HMGN5: variants seen among roughly 807,000 people sequenced by gnomAD.
The protein encoded by HMGN5 is high mobility group nucleosome-binding domain-containing protein 5.
A neutral mutation model predicts 9.5 loss-of-function variants in HMGN5; 4 were observed. The observed-to-expected ratio is 0.42, with a 90% confidence interval of 0.21 to 0.96. The LOEUF (loss-of-function observed/expected upper bound fraction) is 0.96. Ranked by LOEUF, HMGN5 falls within the 40% of genes least tolerant of loss-of-function variation. The pLI is 0.30. For synonymous variants in HMGN5, 55 were observed against 57.1 expected (o/e 0.96, Z 0.16); for missense variants, 192 against 187.5 (o/e 1.02, Z -0.14).
At chrX:81,173,991 G>C (rs1275257875) in intron 1 of HMGN5, among the ~76,000 whole-genome samples, 1 of 111,402 alleles carries the variant, frequency 9.0e-6, no homozygotes, top group Admixed American at 9.6e-5. Flanking sequence ...TTAAGACAGT[G>C]AACTGAGAGA....
At position 81,119,742 on chromosome X, in the gene HMGN5, A is replaced by G. The variant is rs753663899; in HGVS notation, c.45+46T>C. ...TTTAGCTGCTTATGTCAAGTTTATA[A>G]AACGAGTGGTTTTTCCTAATAGATG... On this transcript the variant is annotated intron_variant, in intron 3 of 6. Transcript: ENST00000358130. The G allele has an allele frequency of 5.3e-6, 6 of 1,127,022 alleles. No homozygotes were observed. In the East Asian group the frequency reaches 1.8e-4, roughly 34 times the overall value. 92.9% of individuals were successfully genotyped at this position (1,127,022 alleles called of 1,213,427 possible). A position where few individuals can be genotyped will look rare whatever the true frequency, so the allele number is the denominator to read the frequency against.
chrX:81,136,346 A>T (rs973681066), intron 1 of HMGN5, among the ~76,000 whole-genome samples: 12 of 111,760 alleles, frequency 1.1e-4, no homozygotes, highest in Non-Finnish European at 2.1e-4. Flanking sequence ...ATTATAGTTG[A>T]TGATTGAAAC....
intron 5 of HMGN5, among the ~76,000 whole-genome samples, chrX:81,117,728 TA>T (rs2075258054): frequency 9.0e-6 from 1 of 111,107 alleles, no homozygotes; most frequent in Non-Finnish European, 1.9e-5. Flanking sequence ...AGTTTAGCAA[TA>T]TTTTTTAATA....
At chrX:81,175,536 A>G (rs1483889409) in intron 1 of HMGN5, among the ~76,000 whole-genome samples, 1 of 111,724 alleles carries the variant, frequency 9.0e-6, no homozygotes, top group Non-Finnish European at 1.9e-5. Context: ...GAAATTTCAT[A>G]AATGTAAGAT....
chrX:81,137,233 A>T (rs1270782270), intron 1 of HMGN5, among the ~76,000 whole-genome samples: 3 of 111,489 alleles, frequency 2.7e-5, no homozygotes, highest in Admixed American at 9.6e-5. Context: ...AACCAACAGG[A>T]TCTAATTTAT....
intron 1 of HMGN5, among the ~76,000 whole-genome samples, chrX:81,147,741 T>A (rs2075349294): frequency 8.9e-6 from 1 of 111,979 alleles, no homozygotes; most frequent in Non-Finnish European, 1.9e-5. Context: ...CCCCATCGTC[T>A]CAGCCCAAAA....
At chrX:81,193,415 A>G (rs941147351) in intron 1 of HMGN5, among the ~76,000 whole-genome samples, 6 of 112,457 alleles carry the variant, frequency 5.3e-5, no homozygotes, top group Non-Finnish European at 1.1e-4. Flanking sequence ...GCAGCCATCA[A>G]GTGACTCCCA....
rs747999870 is a variant in HMGN5 at position 81,117,471 on chromosome X, C to A, written c.129+961G>T. Among the ~76,000 whole-genome samples, 4 of 109,607 alleles carry A rather than the reference C, an allele frequency of 3.6e-5. No individual in the cohort carries two copies. In the East Asian group the frequency reaches 8.6e-4, roughly 23 times the overall value. On this transcript the variant is annotated intron_variant, in intron 5 of 6. Transcript: ENST00000358130. ...TGTTGCCCAGGCTGGTCTCAAACTCCTACGTTCAAGCAATCTGCCCATCTC... is the reference window on the plus strand; with the variant it reads ...TGTTGCCCAGGCTGGTCTCAAACTCATACGTTCAAGCAATCTGCCCATCTC...
chrX:81,166,146 A>T (rs1297072238), intron 1 of HMGN5, among the ~76,000 whole-genome samples: 3 of 111,057 alleles, frequency 2.7e-5, no homozygotes, highest in Admixed American at 1.9e-4. Context: ...ACATTGCTAA[A>T]TGTCTTTTGA....
At chrX:81,149,470 G>A (rs1461313655) in intron 1 of HMGN5, among the ~76,000 whole-genome samples, 3 of 111,534 alleles carry the variant, frequency 2.7e-5, no homozygotes, top group Non-Finnish European at 5.6e-5. Context: ...GCCCTGTCAG[G>A]GGGTGGGGAG....
intron 1 of HMGN5, chrX:81,197,834 GAAGA>G (rs2075513729): frequency 9.2e-6 from 1 of 108,720 alleles, no homozygotes; most frequent in Non-Finnish European, 1.9e-5. Flanking sequence ...AAAAAAAACA[GAAGA>G]AAGAGTCTCC....
At chrX:81,123,296 G>T (rs1029949136) in intron 1 of HMGN5, among the ~76,000 whole-genome samples, 3 of 110,759 alleles carry the variant, frequency 2.7e-5, no homozygotes, top group Non-Finnish European at 5.7e-5. Context: ...GGTAGAATGA[G>T]CCTGCGTGAC....
At chrX:81,184,567 T>G (rs200883429) in intron 1 of HMGN5, among the ~76,000 whole-genome samples, 43 of 111,590 alleles carry the variant, frequency 3.9e-4, no homozygotes, top group East Asian at 2.3e-3. Flanking sequence ...GATTTTTTTT[T>G]TTTGTTTTGC....
At chrX:81,187,323 G>A (rs1263892132) in intron 1 of HMGN5, among the ~76,000 whole-genome samples, 1 of 111,350 alleles carries the variant, frequency 9.0e-6, no homozygotes, top group East Asian at 2.8e-4. Flanking sequence ...TTATTGTATT[G>A]GGGCATCTGT....
At chrX:81,178,224 T>C (rs1308331687) in intron 1 of HMGN5, among the ~76,000 whole-genome samples, 1 of 110,199 alleles carries the variant, frequency 9.1e-6, no homozygotes, top group Non-Finnish European at 1.9e-5. Flanking sequence ...CAGAGCAGAA[T>C]GGAAAGAGAT....
At chrX:81,170,562 C>G (rs2075423503) in intron 1 of HMGN5, among the ~76,000 whole-genome samples, 1 of 111,281 alleles carries the variant, frequency 9.0e-6, no homozygotes, top group African/African-American at 3.3e-5. Flanking sequence ...ATTTATAAAA[C>G]TATAAGTGGG....
chrX:81,197,220 T>C (rs2075511388), intron 1 of HMGN5, among the ~76,000 whole-genome samples: 1 of 112,493 alleles, frequency 8.9e-6, no homozygotes, highest in African/African-American at 3.2e-5. Flanking sequence ...TGCTCGACAG[T>C]GATTTCTCTG....
chrX:81,164,142 G>A (rs2075404902), intron 1 of HMGN5, among the ~76,000 whole-genome samples: 1 of 111,631 alleles, frequency 9.0e-6, no homozygotes, highest in Non-Finnish European at 1.9e-5. Context: ...TTCCCTAAGT[G>A]AATCCCAGTC....
At chrX:81,155,757 T>C (rs1315548555) in intron 1 of HMGN5, among the ~76,000 whole-genome samples, 1 of 111,529 alleles carries the variant, frequency 9.0e-6, no homozygotes, top group African/African-American at 3.3e-5. Context: ...AGGGTAGTAA[T>C]TGGGAAGGAG....
Sources: gnomAD v4.1 joint callset for allele counts (sites outside exome capture counted in the v4.1 genomes callset) on GRCh38, gnomAD v4.1.1 for gene constraint, MANE v1.5 for transcripts, NCBI Gene and HGNC (gene_info 2026-07-23, HGNC 2026-07-21) for gene names.